Variants in TENM3 observed in about 807,000 individuals in gnomAD.
TENM3 encodes the protein teneurin transmembrane protein 3, also known as teneurin-3.
In TENM3, 63 loss-of-function variants were observed where a neutral mutation model predicts 255.1. The ratio of observed to expected loss-of-function variants is 0.25; its 90% CI spans 0.20 to 0.30. The LOEUF (loss-of-function observed/expected upper bound fraction) is 0.30. Among genes scored for constraint, TENM3 ranks in the 10% least tolerant of loss-of-function variants. The pLI is 1.00. For synonymous variants in TENM3, 1,306 were observed against 1,322.3 expected (o/e 0.99, Z 0.27); for missense variants, 2,929 against 3,461.1 (o/e 0.85, Z 3.86).
chr4:182,118,960 T>A, the TENM3 span, among the ~76,000 whole-genome samples: 1 of 152,216 alleles, frequency 6.6e-6, no homozygotes, highest in South Asian at 2.1e-4. Flanking sequence ...TGCAAAAAAA[T>A]AGGCCATTAG....
chr4:182,595,693 A>C (rs1045126652), intron 3 of TENM3, among the ~76,000 whole-genome samples: 1 of 152,198 alleles, frequency 6.6e-6, no homozygotes, highest in Non-Finnish European at 1.5e-5. Context: ...TATGATGCAT[A>C]ATTTCTCATA....
chr4:181,876,649 A>G, the TENM3 span, among the ~76,000 whole-genome samples: 4 of 152,180 alleles, frequency 2.6e-5, no homozygotes, highest in South Asian at 8.3e-4. Context: ...TTCTGATTGT[A>G]TATTATCCAA....
the TENM3 span, among the ~76,000 whole-genome samples, chr4:181,953,273 C>T: frequency 5.9e-4 from 61 of 103,832 alleles, no homozygotes; most frequent in Admixed American, 2.5e-3. Flanking sequence ...ACCACCACCA[C>T]CACCATCATC....
chr4:182,623,479 TTTTGTTTGTTTG>T (rs140826051), intron 4 of TENM3, among the ~76,000 whole-genome samples: 7 of 149,822 alleles, frequency 4.7e-5, no homozygotes, highest in African/African-American at 9.9e-5. Flanking sequence ...ATTTTTTGTA[TTTTGTTTGTTTG>T]TTTGTTTGTT....
chr4:181,448,517 A>G, the TENM3 span, among the ~76,000 whole-genome samples: 1 of 152,158 alleles, frequency 6.6e-6, no homozygotes, highest in Non-Finnish European at 1.5e-5. Context: ...AGAGGTAGAA[A>G]ATGTAAAATA....
At chr4:182,272,463 C>G (rs1203974814) in intron 1 of TENM3, among the ~76,000 whole-genome samples, 2 of 152,110 alleles carry the variant, frequency 1.3e-5, no homozygotes, top group African/African-American at 2.4e-5. Context: ...TTCCGAGAGG[C>G]CAGCCTGCAG....
chr4:182,336,843 C>CTTTTTTTTTT (rs34620762), intron 2 of TENM3, among the ~76,000 whole-genome samples: 1 of 113,498 alleles, frequency 8.8e-6, no homozygotes, highest in African/African-American at 3.3e-5. Context: ...TTATTCTTAG[C>CTTTTTTTTTT]TTTTTTTTTT....
At chr4:182,015,593 C>CTCTG in the TENM3 span, among the ~76,000 whole-genome samples, 5 of 150,794 alleles carry the variant, frequency 3.3e-5, no homozygotes, top group African/African-American at 1.2e-4. Context: ...CAGGGTCTCA[C>CTCTG]TCTGTCGCCC....
the TENM3 span, among the ~76,000 whole-genome samples, chr4:181,779,307 C>G: frequency 6.7e-6 from 1 of 150,024 alleles, no homozygotes; most frequent in Admixed American, 6.7e-5. Flanking sequence ...CCTTTTGCTA[C>G]GTGGGCCAAG....
intron 3 of TENM3, among the ~76,000 whole-genome samples, chr4:182,473,287 A>G (rs1283184926): frequency 6.6e-6 from 1 of 152,260 alleles, no homozygotes; most frequent in Non-Finnish European, 1.5e-5. Context: ...TGAATTTCAG[A>G]AACAAATGCT....
chr4:182,443,581 T>C (rs1406330362), intron 3 of TENM3, among the ~76,000 whole-genome samples: 1 of 152,156 alleles, frequency 6.6e-6, no homozygotes, highest in Non-Finnish European at 1.5e-5. Flanking sequence ...TCTCCTGCTC[T>C]CACCACCAGG....
At chr4:182,221,133 C>T (rs1755830190) in intron 1 of TENM3, among the ~76,000 whole-genome samples, 2 of 152,138 alleles carry the variant, frequency 1.3e-5, no homozygotes, top group African/African-American at 2.4e-5. Context: ...CATTTTGAAA[C>T]AGTTCTTGAT....
chr4:182,429,731 T>C (rs769059479), intron 3 of TENM3, among the ~76,000 whole-genome samples: 6 of 152,174 alleles, frequency 3.9e-5, no homozygotes, highest in Non-Finnish European at 8.8e-5. Flanking sequence ...TAATTCAAAA[T>C]TGCCACAAAT....
the TENM3 span, among the ~76,000 whole-genome samples, chr4:181,782,090 T>C: frequency 3.0e-4 from 46 of 152,124 alleles, no homozygotes; most frequent in African/African-American, 1.0e-3. Context: ...TTTTTTTTTG[T>C]TGTATCTCTG....
the TENM3 span, among the ~76,000 whole-genome samples, chr4:181,775,834 A>G: frequency 0.47 from 72,132 of 151,940 alleles, 18,439 homozygotes; most frequent in Non-Finnish European, 0.56. Flanking sequence ...TACATGTAAT[A>G]TTTTGTTATA....
chr4:182,712,158 A>T (rs1470676904), intron 12 of TENM3, among the ~76,000 whole-genome samples: 16 of 152,130 alleles, frequency 1.1e-4, no homozygotes, highest in Admixed American at 1.0e-3. Context: ...ACAGTCTATT[A>T]AAAAAAGAAC....
At chr4:182,364,937 T>C (rs777749585) in intron 3 of TENM3, among the ~76,000 whole-genome samples, 2 of 152,200 alleles carry the variant, frequency 1.3e-5, no homozygotes, top group Non-Finnish European at 2.9e-5. Flanking sequence ...TTCTTGGAAG[T>C]GGAATTTCAG....
the TENM3 span, among the ~76,000 whole-genome samples, chr4:181,584,705 T>G: frequency 1.3e-5 from 2 of 152,180 alleles, no homozygotes; most frequent in Non-Finnish European, 2.9e-5. Context: ...TCTAACAATT[T>G]TCATCCTATA....
At chr4:181,887,489 T>C in the TENM3 span, among the ~76,000 whole-genome samples, 1 of 152,216 alleles carries the variant, frequency 6.6e-6, no homozygotes, top group South Asian at 2.1e-4. Flanking sequence ...TTTAGTTCTC[T>C]TCATTCTCTT....
Sources: allele counts gnomAD v4.1 joint callset (sites outside exome capture counted in the v4.1 genomes callset), GRCh38; gene constraint gnomAD v4.1.1; transcripts MANE v1.5; gene names NCBI Gene and HGNC (gene_info 2026-07-23, HGNC 2026-07-21).